The following PRIM2 variants were observed in gnomAD, a reference collection of about 807,000 sequenced individuals.
The protein encoded by PRIM2 is DNA primase subunit 2, also known as DNA primase large subunit.
Under a neutral mutation model 67.3 loss-of-function variants are expected in PRIM2, and 39 were observed. That is an observed-to-expected ratio of 0.58 (90% CI 0.45 to 0.76). PRIM2 has a LOEUF of 0.76. PRIM2 is among the 30% of genes least tolerant of loss of function. The probability of loss-of-function intolerance (pLI) is 0.00; values close to 1 mark genes in which losing one functional copy is unlikely to be tolerated. For missense variants in PRIM2, 398 were observed against 598.7 expected (o/e 0.66, Z 3.50); for synonymous variants, 143 against 198.7 (o/e 0.72, Z 2.36).
intron 7 of PRIM2, among the ~76,000 whole-genome samples, chr6:57,433,098 A>G (rs1771887281): frequency 6.6e-6 from 1 of 152,202 alleles, no homozygotes; most frequent in Non-Finnish European, 1.5e-5. Flanking sequence ...TGTATTGTGT[A>G]TGGTTTCAGT....
At chr6:57,398,782 G>T (rs1313117654) in intron 7 of PRIM2, among the ~76,000 whole-genome samples, 1 of 152,086 alleles carries the variant, frequency 6.6e-6, no homozygotes, top group Non-Finnish European at 1.5e-5. Context: ...GGGAATCTAT[G>T]TCTCTTTGTA....
chr6:57,315,377 C>T (rs1474901726), upstream of PRIM2, among the ~76,000 whole-genome samples: 3 of 152,238 alleles, frequency 2.0e-5, no homozygotes, highest in East Asian at 5.8e-4. Context: ...AGTTCTTAAT[C>T]TTGATCTTCC....
At chr6:57,237,640 C>T in the PRIM2 span, among the ~76,000 whole-genome samples, 1 of 152,112 alleles carries the variant, frequency 6.6e-6, no homozygotes, top group African/African-American at 2.4e-5. Flanking sequence ...ATATGGCTAG[C>T]CAGTTTTCCC....
the PRIM2 span, among the ~76,000 whole-genome samples, chr6:57,260,124 A>G: frequency 1.3e-5 from 2 of 152,226 alleles, no homozygotes; most frequent in Non-Finnish European, 2.9e-5. Context: ...TCCAAAGCCA[A>G]TGGTGAAGGG....
chr6:57,346,439 C>T (rs1286649737), intron 5 of PRIM2, among the ~76,000 whole-genome samples: 2 of 152,076 alleles, frequency 1.3e-5, no homozygotes, highest in African/African-American at 2.4e-5. Flanking sequence ...CCTGCCCCAG[C>T]CTCCCGAGTA....
chr6:57,374,896 T>C (rs556572298), intron 5 of PRIM2, among the ~76,000 whole-genome samples: 8 of 152,376 alleles, frequency 5.3e-5, no homozygotes, highest in African/African-American at 1.9e-4. Flanking sequence ...GGAATGCTAG[T>C]GATTTTTGCA....
chr6:57,374,762 T>C (rs1363443502), intron 5 of PRIM2, among the ~76,000 whole-genome samples: 1 of 152,138 alleles, frequency 6.6e-6, no homozygotes. Context: ...GGCTAATTTT[T>C]GTATTTTTAG....
At chr6:57,268,790 C>T in the PRIM2 span, among the ~76,000 whole-genome samples, 9 of 116,822 alleles carry the variant, frequency 7.7e-5, no homozygotes, top group African/African-American at 2.6e-4. Context: ...CCCCTCCCCC[C>T]ACCCCACAAC....
chr6:57,452,205 C>G (rs1356232277), intron 7 of PRIM2, among the ~76,000 whole-genome samples: 1 of 152,066 alleles, frequency 6.6e-6, no homozygotes, highest in Non-Finnish European at 1.5e-5. Context: ...TGGGTTGGTT[C>G]CAAGTCTTTG....
At chr6:57,420,782 T>C (rs1041906430) in intron 7 of PRIM2, among the ~76,000 whole-genome samples, 11 of 152,272 alleles carry the variant, frequency 7.2e-5, no homozygotes, top group African/African-American at 2.6e-4. Flanking sequence ...TGATAGTAGG[T>C]CTGTTTGGAT....
At chr6:57,568,472 A>G (rs1420770375) in intron 10 of PRIM2, among the ~76,000 whole-genome samples, 87 of 152,224 alleles carry the variant, frequency 5.7e-4, no homozygotes, top group Middle Eastern at 3.4e-3. Flanking sequence ...CCTACTATTT[A>G]TTATTTATTC....
At chr6:57,480,679 A>C (rs1445816873) in intron 7 of PRIM2, among the ~76,000 whole-genome samples, 1 of 152,126 alleles carries the variant, frequency 6.6e-6, no homozygotes, top group East Asian at 1.9e-4. Flanking sequence ...GCCAGGCTGG[A>C]GTGCAATGGT....
At chr6:57,430,736 C>T (rs1771798972) in intron 7 of PRIM2, among the ~76,000 whole-genome samples, 1 of 152,120 alleles carries the variant, frequency 6.6e-6, no homozygotes, top group Non-Finnish European at 1.5e-5. Context: ...GCTGGGATTA[C>T]AGGTGTCAGT....
At chr6:57,385,966 G>T in intron 7 of PRIM2, among the ~76,000 whole-genome samples, 1 of 148,204 alleles carries the variant, frequency 6.7e-6, no homozygotes, top group Admixed American at 6.8e-5. Flanking sequence ...CACAAATACT[G>T]CTGCTCTGAA....
intron 7 of PRIM2, among the ~76,000 whole-genome samples, chr6:57,453,421 T>C (rs1448123910): frequency 1.3e-5 from 2 of 152,194 alleles, no homozygotes; most frequent in Non-Finnish European, 2.9e-5. Flanking sequence ...TCCATGAGCA[T>C]GGAATGTTCT....
At chr6:57,472,294 G>A (rs1469268562) in intron 7 of PRIM2, among the ~76,000 whole-genome samples, 11 of 152,024 alleles carry the variant, frequency 7.2e-5, no homozygotes, top group Non-Finnish European at 1.5e-4. Context: ...CCTGGGCGTG[G>A]TGGTGGGCTC....
At chr6:57,363,214 A>G (rs546433968) in intron 5 of PRIM2, among the ~76,000 whole-genome samples, 3 of 152,274 alleles carry the variant, frequency 2.0e-5, no homozygotes, top group Admixed American at 2.0e-4. Flanking sequence ...TATGGGTGAG[A>G]GTGTGTAGAG....
chr6:57,574,343 C>T (rs1775922892), intron 10 of PRIM2, among the ~76,000 whole-genome samples: 1 of 151,752 alleles, frequency 6.6e-6, no homozygotes, highest in Admixed American at 6.6e-5. Flanking sequence ...GGGCCGCTGC[C>T]ATTCTGTGGA....
intron 5 of PRIM2, among the ~76,000 whole-genome samples, chr6:57,336,360 G>A (rs558269632): frequency 5.3e-5 from 8 of 151,724 alleles, no homozygotes; most frequent in African/African-American, 1.7e-4. Context: ...TACAGAGAAC[G>A]CCACAAAGAT....
Sources: allele counts gnomAD v4.1 joint callset (sites outside exome capture counted in the v4.1 genomes callset), GRCh38; gene constraint gnomAD v4.1.1; transcripts MANE v1.5; gene names NCBI Gene and HGNC (gene_info 2026-07-23, HGNC 2026-07-21).